MIPOL1: variants seen among roughly 807,000 people sequenced by gnomAD.
MIPOL1 encodes mirror-image polydactyly 1.
MIPOL1 carries 57 observed loss-of-function variants against 60.9 expected under a neutral mutation model. That is an observed-to-expected ratio of 0.94 (90% confidence interval 0.76 to 1.17). MIPOL1 has a LOEUF of 1.17. Ranked by LOEUF, MIPOL1 falls within the 50% of genes most tolerant of loss-of-function variation. The probability of loss-of-function intolerance (pLI) is 0.00; values close to 1 mark genes in which losing one functional copy is unlikely to be tolerated. For missense variants in MIPOL1, 551 were observed against 511.6 expected (o/e 1.08, Z -0.74); for synonymous variants, 179 against 168.8 (o/e 1.06, Z -0.47).
chr14:37,277,708 A>G (rs2224344), intron 6 of MIPOL1: 149,622 of 151,412 alleles, frequency 0.99, 73,951 homozygotes, highest in Middle Eastern at 1. Context: ...AAATTTGACA[A>G]TATATATTAA....
chr14:37,213,478 G>A (rs1468194781), intron 1 of MIPOL1, among the ~76,000 whole-genome samples: 2 of 152,136 alleles, frequency 1.3e-5, no homozygotes, highest in African/African-American at 4.8e-5. Context: ...GTAGGAGAAA[G>A]TTAGTGATCT....
intron 12 of MIPOL1, among the ~76,000 whole-genome samples, chr14:37,519,760 T>C (rs1197393780): frequency 6.6e-6 from 1 of 152,144 alleles, no homozygotes; most frequent in East Asian, 1.9e-4. Context: ...TGCTAAGTTA[T>C]CCTGACTTGT....
At chr14:37,216,857 A>C (rs1967808080) in intron 1 of MIPOL1, among the ~76,000 whole-genome samples, 1 of 152,222 alleles carries the variant, frequency 6.6e-6, no homozygotes. Flanking sequence ...TGAACAATCT[A>C]ACATTGCTTT....
chr14:37,380,995 T>A (rs1403209669), intron 10 of MIPOL1, among the ~76,000 whole-genome samples: 1 of 152,098 alleles, frequency 6.6e-6, no homozygotes, highest in Non-Finnish European at 1.5e-5. Flanking sequence ...ATGGAAACGC[T>A]CTATATCGTC....
chr14:37,394,057 CATATAT>C (rs56361320), intron 10 of MIPOL1, among the ~76,000 whole-genome samples: 2,183 of 73,294 alleles, frequency 0.03, 211 homozygotes, highest in Admixed American at 0.048. Context: ...TTAGTAGTGG[CATATAT>C]ATATATATAT....
At chr14:37,203,750 A>G (rs1965655537) in intron 1 of MIPOL1, among the ~76,000 whole-genome samples, 1 of 152,056 alleles carries the variant, frequency 6.6e-6, no homozygotes, top group African/African-American at 2.4e-5. Context: ...CCAGTAAGGA[A>G]CTGAGGTTCT....
intron 11 of MIPOL1, among the ~76,000 whole-genome samples, chr14:37,455,853 G>A (rs1216295737): frequency 2.0e-5 from 3 of 151,978 alleles, no homozygotes; most frequent in East Asian, 3.9e-4. Context: ...AAAATTACGT[G>A]ATTTTAATTT....
At chr14:37,280,891 C>G (rs528123055) in intron 6 of MIPOL1, among the ~76,000 whole-genome samples, 1 of 151,972 alleles carries the variant, frequency 6.6e-6, no homozygotes, top group Admixed American at 6.6e-5. Flanking sequence ...TTGAATAGTT[C>G]GAGTTCCTTG....
intron 9 of MIPOL1, among the ~76,000 whole-genome samples, chr14:37,363,240 T>G (rs1566437512): frequency 6.6e-6 from 1 of 152,180 alleles, no homozygotes; most frequent in Non-Finnish European, 1.5e-5. Context: ...CTCCCCATCT[T>G]TATGTATTTA....
chr14:37,211,533 G>A (rs779200746), intron 1 of MIPOL1, among the ~76,000 whole-genome samples: 10 of 152,138 alleles, frequency 6.6e-5, no homozygotes, highest in Non-Finnish European at 1.2e-4. Flanking sequence ...AGCCCTAGCC[G>A]GAGGGGAATT....
chr14:37,258,296 A>G (rs886671796), intron 3 of MIPOL1, among the ~76,000 whole-genome samples: 24 of 152,260 alleles, frequency 1.6e-4, no homozygotes, highest in African/African-American at 5.8e-4. Context: ...TGAATTCACA[A>G]TTGGTATGTC....
At chr14:37,325,853 C>T (rs1295743239) in intron 9 of MIPOL1, among the ~76,000 whole-genome samples, 1 of 152,148 alleles carries the variant, frequency 6.6e-6, no homozygotes, top group African/African-American at 2.4e-5. Flanking sequence ...AGTATAGCAG[C>T]CTCCTTCCTC....
chr14:37,430,793 CAT>C lies in MIPOL1; in HGVS notation c.1031+7846_1031+7847del, dbSNP rs2094050471. ...CTTACAAATGTTTGCTGTCTTGAGA[CAT>C]AAGACAATTAAATTAGTAAAGAGGC... On this transcript the variant is annotated intron_variant, in intron 11 of 12. Transcript: ENST00000684589. 2.6e-5 allele frequency among the ~76,000 whole-genome samples: 4 copies of C among 152,120 alleles called. 1 individual carries two copies. Among genetic ancestry groups the C allele is most frequent in the Non-Finnish European group, 5.9e-5 (4 of 68,008 alleles).
chr14:37,346,093 G>A (rs2090926436), intron 9 of MIPOL1, among the ~76,000 whole-genome samples: 1 of 152,132 alleles, frequency 6.6e-6, no homozygotes, highest in Admixed American at 6.5e-5. Context: ...ACTTTGGGAG[G>A]CTGAGGCAGA....
chr14:37,324,775 G>A (rs1006705233), intron 9 of MIPOL1, among the ~76,000 whole-genome samples: 15 of 152,016 alleles, frequency 9.9e-5, no homozygotes, highest in African/African-American at 3.4e-4. Flanking sequence ...TGAATATCCA[G>A]TTGTTTCAGC....
At chr14:37,260,339 C>T (rs1171454654) in intron 3 of MIPOL1, among the ~76,000 whole-genome samples, 1 of 151,440 alleles carries the variant, frequency 6.6e-6, no homozygotes, top group East Asian at 1.9e-4. Flanking sequence ...CTGTTTTGTT[C>T]CAGTATATTT....
intron 6 of MIPOL1, 36 bp from the exon 7 acceptor site, chr14:37,285,282 T>C: frequency 6.2e-7 from 1 of 1,611,840 alleles, no homozygotes; most frequent in South Asian, 1.1e-5. Flanking sequence ...TCCTTTATTT[T>C]GTATGATTGA....
chr14:37,394,535 A>T (rs1163194708), intron 10 of MIPOL1, among the ~76,000 whole-genome samples: 1 of 151,174 alleles, frequency 6.6e-6, no homozygotes, highest in Non-Finnish European at 1.5e-5. Flanking sequence ...CATTTTTTTC[A>T]TGTTTGTTGG....
At chr14:37,284,205 A>G (rs1569899) in intron 6 of MIPOL1, among the ~76,000 whole-genome samples, 60,750 of 152,030 alleles carry the variant, frequency 0.4, 14,484 homozygotes, top group Non-Finnish European at 0.53. Context: ...GTGCACTACT[A>G]TAACAGCACA....
Sources: gnomAD v4.1 joint callset for allele counts (sites outside exome capture counted in the v4.1 genomes callset) on GRCh38, gnomAD v4.1.1 for gene constraint, MANE v1.5 for transcripts, NCBI Gene and HGNC (gene_info 2026-07-23, HGNC 2026-07-21) for gene names.